Variants in SEL1L2 observed in about 807,000 individuals in gnomAD.
SEL1L2 encodes the protein protein sel-1 homolog 2.
In SEL1L2, 89 loss-of-function variants were observed where a neutral mutation model predicts 98.8. The observed-to-expected ratio is 0.90, with a 90% CI of 0.76 to 1.07. The LOEUF (loss-of-function observed/expected upper bound fraction) is 1.07, where lower values mean the gene tolerates loss of function less well. SEL1L2 is among the 50% of genes least tolerant of loss of function. The pLI is 0.00. For synonymous variants in SEL1L2, 262 were observed against 278.5 expected (o/e 0.94, Z 0.59); for missense variants, 788 against 812.0 (o/e 0.97, Z 0.36).
At position 13,856,212 on chromosome 20, in the gene SEL1L2, C is replaced by A. The variant is rs548009060; in HGVS notation, c.1818+3050G>T. On this transcript the variant is annotated intron_variant, in intron 18 of 19. Transcript: ENST00000284951. ...AGGCTGGATCTTGGCTCACTGCAAC[C>A]TCTGCCTTCGGGGTTCAAGCTATTC... is the stretch of plus-strand genomic sequence containing the variant. 9.1e-4 allele frequency among the ~76,000 whole-genome samples: 138 copies of A among 152,196 alleles called. 1 individual carries two copies. The highest frequency in any genetic ancestry group is 3.3e-3 in the African/African-American group (135 of 41,538).
intron 10 of SEL1L2, among the ~76,000 whole-genome samples, chr20:13,880,600 T>TCATCCATCCATCCATC (rs35310861): frequency 1.3e-5 from 2 of 149,628 alleles, no homozygotes; most frequent in East Asian, 2.0e-4. Context: ...GATCAAGTAC[T>TCATCCATCCATCCATC]CATCCATCCA....
rs192383057 is a variant in SEL1L2 at position 13,978,006 on chromosome 20, T to C, written c.58+12471A>G. On this transcript the variant is annotated intron_variant, in intron 1 of 19. Coordinates refer to ENST00000284951, the MANE Select transcript of SEL1L2 (RefSeq NM_025229.2). ...CACAAAAATAGAAAAAAAACAGCCA[T>C]TAATTTTGTGTGGAACTACCAAAGA... Among the ~76,000 whole-genome samples, 155 of 152,212 alleles carry C rather than the reference T, an allele frequency of 1.0e-3. 1 individual carries two copies. The highest frequency in any genetic ancestry group is 3.6e-3 in the African/African-American group (148 of 41,532).
intron 2 of SEL1L2, among the ~76,000 whole-genome samples, chr20:13,944,377 C>A (rs2148388496): frequency 6.6e-6 from 1 of 152,174 alleles, no homozygotes; most frequent in East Asian, 1.9e-4. Context: ...ACCACAGAGT[C>A]CAGATGGGTG....
At chr20:13,936,286 G>T (rs1330773954) in intron 2 of SEL1L2, among the ~76,000 whole-genome samples, 1 of 152,184 alleles carries the variant, frequency 6.6e-6, no homozygotes, top group Admixed American at 6.5e-5. Flanking sequence ...AACTTTGGGA[G>T]AAATGATAAT....
At chr20:13,915,258 A>G in intron 4 of SEL1L2, 3 of 1,287,716 alleles carry the variant, frequency 2.3e-6, no homozygotes, top group Non-Finnish European at 3.0e-6. Flanking sequence ...GTCAAAACAC[A>G]GGGTGAGTAC....
intron 5 of SEL1L2, among the ~76,000 whole-genome samples, chr20:13,894,180 A>C (rs1440612446): frequency 2.6e-5 from 4 of 152,204 alleles, no homozygotes; most frequent in African/African-American, 9.6e-5. Flanking sequence ...GAAAGGAAGT[A>C]CTAAAGATTA....
chr20:13,869,270 C>T (rs930719169), intron 14 of SEL1L2, among the ~76,000 whole-genome samples: 1 of 152,156 alleles, frequency 6.6e-6, no homozygotes, highest in Non-Finnish European at 1.5e-5. Flanking sequence ...CGGGATATCG[C>T]TAGCACCTCC....
chr20:13,874,459 A>G (rs2046347722), intron 12 of SEL1L2, among the ~76,000 whole-genome samples: 1 of 152,198 alleles, frequency 6.6e-6, no homozygotes, highest in Non-Finnish European at 1.5e-5. Flanking sequence ...CCGGAGACCC[A>G]GATCACTGCT....
rs74554187 is a variant in SEL1L2 at position 13,986,363 on chromosome 20, C to T, written c.58+4114G>A. On this transcript the variant is annotated intron_variant, in intron 1 of 19. Transcript: ENST00000284951. ...CTACAGTTTCAAAACTTCATCATCC[C>T]GGAAGTACACTCTGTACCCATTAAG... 6.8e-3 allele frequency among the ~76,000 whole-genome samples: 1,033 copies of T among 152,252 alleles called. 6 individuals are homozygous for T. Among genetic ancestry groups the T allele is most frequent in the Non-Finnish European group, 0.011 (730 of 68,016 alleles).
At chr20:13,974,169 G>T (rs1352884981) in intron 1 of SEL1L2, among the ~76,000 whole-genome samples, 1 of 152,122 alleles carries the variant, frequency 6.6e-6, no homozygotes, top group Non-Finnish European at 1.5e-5. Context: ...GGCCAGGATG[G>T]GGCAAGTCCT....
chr20:13,934,776 T>C, intron 2 of SEL1L2, among the ~76,000 whole-genome samples: 1 of 150,370 alleles, frequency 6.7e-6, no homozygotes, highest in East Asian at 2.0e-4. Flanking sequence ...CCAACATCTG[T>C]TTTTTTTTAT....
chr20:13,866,728 C>T lies in SEL1L2; in HGVS notation c.1378G>A (p.Val460Ile), dbSNP rs746734976. ...TCCACAGCAGTTCTGCATGATCTTA[C>T]TACTCCTGTTCCTGTTGCATACATC... The part of the protein sequence containing the change: ...AKMYATGTGV[V>I]RSCRTAVELY... The change falls in exon 15 of 20, where the codon GTA becomes ATA. Residue 460 changes from valine (V) to isoleucine (I), a missense_variant. By Grantham distance (29) the Val-to-Ile change is conservative. Coordinates refer to ENST00000284951, the MANE Select transcript of SEL1L2 (RefSeq NM_025229.2). 1.9e-6 allele frequency: 3 copies of T among 1,600,508 alleles called. No individual in the cohort carries two copies. The Admixed American group carries it at 5.3e-5, about 28-fold the overall frequency.
intron 5 of SEL1L2, among the ~76,000 whole-genome samples, chr20:13,893,638 A>G (rs904156367): frequency 6.6e-6 from 1 of 152,214 alleles, no homozygotes; most frequent in African/African-American, 2.4e-5. Context: ...AAAAGACCTT[A>G]TTGTATTTAC....
chr20:13,884,364 C>G (rs1238666316), intron 10 of SEL1L2, among the ~76,000 whole-genome samples: 1 of 152,172 alleles, frequency 6.6e-6, no homozygotes, highest in East Asian at 1.9e-4. Flanking sequence ...GGCCTTGAAA[C>G]CACTATCAAA....
intron 1 of SEL1L2, among the ~76,000 whole-genome samples, chr20:13,967,412 A>T (rs2148494616): frequency 6.6e-6 from 1 of 152,262 alleles, no homozygotes; most frequent in Admixed American, 6.5e-5. Context: ...CATTTTCAAA[A>T]CAGATTTAGT....
At chr20:13,989,361 T>A (rs1449784883) in intron 1 of SEL1L2, among the ~76,000 whole-genome samples, 1 of 152,240 alleles carries the variant, frequency 6.6e-6, no homozygotes, top group African/African-American at 2.4e-5. Flanking sequence ...TTCTAATAGT[T>A]TCGTAGTTGA....
intron 1 of SEL1L2, among the ~76,000 whole-genome samples, chr20:13,983,249 C>A (rs185365611): frequency 2.0e-5 from 3 of 151,754 alleles, no homozygotes; most frequent in Admixed American, 6.6e-5. Context: ...CCTAGGCGAA[C>A]GTAGAGTCAG....
At chr20:13,980,075 T>A (rs2051735761) in intron 1 of SEL1L2, among the ~76,000 whole-genome samples, 1 of 152,114 alleles carries the variant, frequency 6.6e-6, no homozygotes, top group African/African-American at 2.4e-5. Context: ...AAAGAAGACA[T>A]ACAAATGGCC....
intron 1 of SEL1L2, among the ~76,000 whole-genome samples, chr20:13,990,008 C>T (rs2052461995): frequency 6.6e-6 from 1 of 152,088 alleles, no homozygotes; most frequent in South Asian, 2.1e-4. Flanking sequence ...CTTCCATTTT[C>T]AGATAGTAAC....
Sources: gnomAD v4.1 joint callset for allele counts (sites outside exome capture counted in the v4.1 genomes callset) on GRCh38, gnomAD v4.1.1 for gene constraint, MANE v1.5 for transcripts, NCBI Gene and HGNC (gene_info 2026-07-23, HGNC 2026-07-21) for gene names.